The following PPP2R2B variants were observed in gnomAD, a reference collection of about 807,000 sequenced individuals.
The protein encoded by PPP2R2B is serine/threonine-protein phosphatase 2A 55 kDa regulatory subunit B beta isoform.
PPP2R2B carries 5 observed loss-of-function variants against 46.0 expected under a neutral mutation model. The observed-to-expected ratio is 0.11, with a 90% CI of 0.06 to 0.23. The LOEUF is 0.23. Ranked by LOEUF, PPP2R2B falls within the 10% of genes least tolerant of loss-of-function variation. The pLI, the probability that PPP2R2B is intolerant of heterozygous loss-of-function variation, is 1.00. For synonymous variants in PPP2R2B, 215 were observed against 206.7 expected (o/e 1.04, Z -0.34); for missense variants, 367 against 575.0 (o/e 0.64, Z 3.70).
At chr5:146,772,645 A>G (rs960908850) in intron 2 of PPP2R2B, among the ~76,000 whole-genome samples, 2 of 152,042 alleles carry the variant, frequency 1.3e-5, no homozygotes, top group Admixed American at 1.3e-4. Context: ...ACTGCTCTTC[A>G]GGGGCCTAGC....
intron 7 of PPP2R2B, among the ~76,000 whole-genome samples, chr5:146,607,392 T>C (rs1435715643): frequency 6.6e-6 from 1 of 152,184 alleles, no homozygotes; most frequent in Non-Finnish European, 1.5e-5. Flanking sequence ...AGATGAAGGA[T>C]TCTGAATTGG....
chr5:146,726,910 G>C (rs1439656552), intron 2 of PPP2R2B, among the ~76,000 whole-genome samples: 1 of 152,070 alleles, frequency 6.6e-6, no homozygotes, highest in African/African-American at 2.4e-5. Flanking sequence ...TGTTAGATTT[G>C]CATGGCTTTG....
chr5:146,588,613 C>G lies in PPP2R2B; in HGVS notation c.*1334G>C, dbSNP rs1048991655. 9.9e-5 allele frequency: 15 copies of G among 152,150 alleles called. No homozygotes were observed. 9.4% of individuals were successfully genotyped at this position (152,150 alleles called of 1,614,324 possible). ...TAAATCCTTTGCATGCATTTAGTGCCTTTCCTAGGGGTGTGCCACATAGAA... is the reference window on the plus strand; with the variant it reads ...TAAATCCTTTGCATGCATTTAGTGCGTTTCCTAGGGGTGTGCCACATAGAA... On this transcript the variant is annotated 3_prime_UTR_variant, in exon 10 of 10. Transcript: ENST00000394411.
At chr5:147,007,951 A>G (rs746376848) in intron 1 of PPP2R2B, among the ~76,000 whole-genome samples, 2 of 152,230 alleles carry the variant, frequency 1.3e-5, no homozygotes, top group Non-Finnish European at 2.9e-5. Flanking sequence ...GAAGGAACCA[A>G]TTCCGGACAC....
chr5:146,740,601 AC>A (rs1356554186), intron 2 of PPP2R2B, among the ~76,000 whole-genome samples: 4 of 147,490 alleles, frequency 2.7e-5, no homozygotes, highest in Admixed American at 1.3e-4. Flanking sequence ...ACACACACAC[AC>A]ACACACACAC....
intron 1 of PPP2R2B, chr5:147,081,139 G>A (rs532951876): frequency 1.3e-6 from 2 of 1,535,572 alleles, no homozygotes; most frequent in Non-Finnish European, 1.7e-6. Flanking sequence ...CCCAATTCCT[G>A]AAAACAACAC....
At chr5:146,711,649 A>T (rs1316045791) in intron 2 of PPP2R2B, among the ~76,000 whole-genome samples, 1 of 152,208 alleles carries the variant, frequency 6.6e-6, no homozygotes, top group Non-Finnish European at 1.5e-5. Context: ...GCCAAAGTGG[A>T]TGAGCAAATA....
chr5:146,897,808 GA>G (rs34021321), intron 1 of PPP2R2B, among the ~76,000 whole-genome samples: 72,905 of 148,988 alleles, frequency 0.49, 19,298 homozygotes, highest in East Asian at 0.71. Context: ...TAGAGAATAA[GA>G]AAAAAAAAAC....
intron 1 of PPP2R2B, among the ~76,000 whole-genome samples, chr5:147,024,242 T>C (rs942418369): frequency 1.3e-5 from 2 of 151,980 alleles, no homozygotes; most frequent in Non-Finnish European, 2.9e-5. Context: ...GCTAATACAC[T>C]GATAAAAGGG....
intron 2 of PPP2R2B, among the ~76,000 whole-genome samples, chr5:146,827,401 C>T (rs766496940): frequency 2.0e-5 from 3 of 151,462 alleles, no homozygotes; most frequent in South Asian, 2.1e-4. Context: ...AAATACAATA[C>T]GAATAAAAGG....
chr5:146,894,588 C>T (rs1042697812), intron 1 of PPP2R2B, among the ~76,000 whole-genome samples: 17 of 152,272 alleles, frequency 1.1e-4, no homozygotes, highest in African/African-American at 3.1e-4. Context: ...CACAGGCGTG[C>T]GCCACCACAC....
chr5:146,631,592 T>C (rs1196988791), intron 7 of PPP2R2B, among the ~76,000 whole-genome samples: 1 of 152,184 alleles, frequency 6.6e-6, no homozygotes. Context: ...ACACCCTACT[T>C]ATTGGGGAAC....
chr5:146,720,193 A>G (rs545891188), intron 2 of PPP2R2B, among the ~76,000 whole-genome samples: 2 of 152,308 alleles, frequency 1.3e-5, no homozygotes, highest in East Asian at 3.9e-4. Flanking sequence ...CTTTATCCAC[A>G]CAACGTTAGG....
chr5:146,649,752 C>G (rs1389084103), intron 6 of PPP2R2B, among the ~76,000 whole-genome samples: 1 of 152,102 alleles, frequency 6.6e-6, no homozygotes, highest in Non-Finnish European at 1.5e-5. Flanking sequence ...GGCCAGCCGA[C>G]TTTTCTATAT....
intron 2 of PPP2R2B, among the ~76,000 whole-genome samples, chr5:146,732,348 T>A (rs1045793510): frequency 2.0e-5 from 3 of 152,222 alleles, no homozygotes; most frequent in African/African-American, 4.8e-5. Flanking sequence ...TAATATTTAG[T>A]CTGAAGCCTC....
At chr5:146,856,076 GCTCTTTTTCTTTGTGTCTTGAC>G (rs1760645739) in intron 2 of PPP2R2B, among the ~76,000 whole-genome samples, 1 of 151,998 alleles carries the variant, frequency 6.6e-6, no homozygotes, top group South Asian at 2.1e-4. Context: ...TTGACCCCAA[GCTCTTTTTCTTTGTGTCTTGAC>G]CCCAAGCTCT....
At chr5:146,712,545 T>C (rs768625871) in intron 2 of PPP2R2B, among the ~76,000 whole-genome samples, 4 of 152,224 alleles carry the variant, frequency 2.6e-5, no homozygotes, top group Non-Finnish European at 5.9e-5. Context: ...TTCATGGTCA[T>C]GTAGCAGTTT....
intron 2 of PPP2R2B, among the ~76,000 whole-genome samples, chr5:146,760,199 G>A (rs892192453): frequency 6.6e-6 from 1 of 152,102 alleles, no homozygotes; most frequent in Admixed American, 6.6e-5. Flanking sequence ...TATGTGTTAG[G>A]AACTATGCCA....
intron 1 of PPP2R2B, among the ~76,000 whole-genome samples, chr5:146,992,253 A>T (rs1753727134): frequency 6.6e-6 from 1 of 152,234 alleles, no homozygotes. Flanking sequence ...TGCCAAGAAT[A>T]CCCAATGGGA....
Sources: allele counts gnomAD v4.1 joint callset (sites outside exome capture counted in the v4.1 genomes callset), GRCh38; gene constraint gnomAD v4.1.1; transcripts MANE v1.5; gene names NCBI Gene and HGNC (gene_info 2026-07-23, HGNC 2026-07-21).